Variants in KIAA1614 observed in about 807,000 individuals in gnomAD.
The protein encoded by KIAA1614 is KIAA1614, also known as uncharacterized protein KIAA1614.
Under a neutral mutation model 88.7 loss-of-function variants are expected in KIAA1614, and 76 were observed. The observed-to-expected ratio is 0.86, with a 90% CI of 0.71 to 1.04. The LOEUF (loss-of-function observed/expected upper bound fraction) is 1.04, where lower values mean the gene tolerates loss of function less well. Ranked by LOEUF, KIAA1614 falls within the 50% of genes least tolerant of loss-of-function variation. KIAA1614 has a pLI of 0.00. For synonymous variants in KIAA1614, 714 were observed against 675.5 expected (o/e 1.06, Z -0.88); for missense variants, 1,553 against 1,582.5 (o/e 0.98, Z 0.32).
rs552976444 is a variant in KIAA1614 at position 180,928,414 on chromosome 1, G to A, written c.1062-16G>A. 9 of 1,584,386 alleles carry A rather than the reference G, an allele frequency of 5.7e-6. No individual in the cohort carries two copies. The highest frequency in any genetic ancestry group is 6.9e-6 in the Non-Finnish European group (8 of 1,162,162). ...AATCCCTCCCCCACCACCCTGGCCT[G>A]TGTGCCACGCTGCAGGACCGTTGGT... On this transcript the variant is annotated splice_polypyrimidine_tract_variant and intron_variant, in intron 3 of 8. Transcript: ENST00000367588.
At position 180,935,422 on chromosome 1, in the gene KIAA1614, CG is replaced by C; in HGVS notation, c.1516del (p.Asp506ThrfsTer71). On this transcript the variant is annotated frameshift_variant, in exon 5 of 9. Coordinates refer to ENST00000367588, the MANE Select transcript of KIAA1614 (RefSeq NM_020950.2). LOFTEE classifies it high-confidence loss of function. The surrounding 1 kb of genome is among the most constrained non-coding windows in gnomAD (Gnocchi z 6.1). Reference sequence around the variant, plus strand: ...CTACATCAACGGGGCTCCCCGGCTCCGGGACGCGGGGCAGGGGACATTCCAC... The same window carrying C: ...CTACATCAACGGGGCTCCCCGGCTCCGGACGCGGGGCAGGGGACATTCCAC... ...ADYINGAPRL[R>X]DAGQGTFHRL... 1 of 1,472,738 alleles carries C rather than the reference CG, an allele frequency of 6.8e-7. No homozygotes were observed. The highest frequency in any genetic ancestry group is 2.5e-5 in the Admixed American group (1 of 40,772). The allele number at this position is 1,472,738 out of a possible 1,614,324, so 91.2% of individuals were successfully genotyped here.
At chr1:180,923,200 A>C (rs1420948404) in intron 3 of KIAA1614, among the ~76,000 whole-genome samples, 1 of 152,122 alleles carries the variant, frequency 6.6e-6, no homozygotes, top group Non-Finnish European at 1.5e-5. Context: ...GGCATGATTG[A>C]TTACATCATT....
intron 7 of KIAA1614, among the ~76,000 whole-genome samples, chr1:180,941,640 T>G (rs1487954868): frequency 1.3e-5 from 2 of 152,212 alleles, no homozygotes. Context: ...CACAGATCAC[T>G]TCCCACGTGG....
intron 4 of KIAA1614, among the ~76,000 whole-genome samples, chr1:180,932,390 A>G: frequency 6.6e-6 from 1 of 152,220 alleles, no homozygotes; most frequent in Non-Finnish European, 1.5e-5. Flanking sequence ...AAAATTAAAA[A>G]ATATATATTT....
rs1653798924 is a variant in KIAA1614, at chr1:180,916,376, G to A, written c.273G>A (p.Lys91=). ...TGGAATCCAAGGTGAGGGCTTTGAA[G>A]GAGAAGATGACAGTGGCCAAACAGG... The part of the protein sequence containing the change: ...SVLESKVRAL[K]EKMTVAKQGV... Residue 91 remains lysine, a synonymous_variant, in exon 2 of 9, where the codon AAG becomes AAA. Coordinates refer to ENST00000367588, the MANE Select transcript of KIAA1614 (RefSeq NM_020950.2). The A allele has an allele frequency of 1.2e-6, 2 of 1,614,208 alleles. No individual in the cohort carries two copies. The highest frequency in any genetic ancestry group is 1.7e-6 in the Non-Finnish European group (2 of 1,180,034).
chr1:180,941,203 G>A lies in KIAA1614; in HGVS notation c.3077G>A (p.Ser1026Asn). 1 of 1,613,902 alleles carries A rather than the reference G, an allele frequency of 6.2e-7. No individual in the cohort carries two copies. ...CGGCCCAAGCTGGGCAAGTCCCGCA[G>A]CTACAGTGTGGAGCAGTTGCAGCCC... Reference protein sequence around the residue: ...SSRPKLGKSRSYSVEQLQPAP... With the variant: ...SSRPKLGKSRNYSVEQLQPAP... Residue 1026 changes from serine (S) to asparagine (N), a missense_variant, in exon 7 of 9, where the codon AGC (serine) becomes AAC (asparagine). Coordinates refer to ENST00000367588, the MANE Select transcript of KIAA1614 (RefSeq NM_020950.2).
chr1:180,917,831 G>A lies in KIAA1614; in HGVS notation c.998-20G>A. ...TGTTTCTGGCTCTGTCCTGATCTCT[G>A]CTTCTGTTCTGGATCCTAGAGCGAC... On this transcript the variant is annotated intron_variant, in intron 2 of 8. Transcript: ENST00000367588. 2 of 1,611,566 alleles carry A rather than the reference G, an allele frequency of 1.2e-6. No individual in the cohort carries two copies. The highest frequency in any genetic ancestry group is 8.5e-7 in the Non-Finnish European group (1 of 1,177,744).
intron 6 of KIAA1614, among the ~76,000 whole-genome samples, chr1:180,938,931 G>A (rs994080430): frequency 1.3e-5 from 2 of 152,202 alleles, no homozygotes; most frequent in African/African-American, 4.8e-5. Context: ...TCCATTGAAC[G>A]GCCTCTAGCT....
In KIAA1614 at chr1:180,917,821, C is replaced by G. The variant is rs115549411; in HGVS notation, c.998-30C>G. On this transcript the variant is annotated intron_variant, in intron 2 of 8. Coordinates refer to ENST00000367588, the MANE Select transcript of KIAA1614 (RefSeq NM_020950.2). ...CTGAGAGCCCTGTTTCTGGCTCTGT[C>G]CTGATCTCTGCTTCTGTTCTGGATC... The G allele has an allele frequency of 1.2e-3, 1,981 of 1,603,798 alleles. 25 individuals are homozygous for G. In the African/African-American group the frequency reaches 0.022, roughly 18 times the overall value.
intron 4 of KIAA1614, among the ~76,000 whole-genome samples, chr1:180,931,091 G>C (rs942287494): frequency 1.3e-5 from 2 of 152,234 alleles, no homozygotes. Flanking sequence ...AACAGACAGG[G>C]ACTCCAGGAG....
At chr1:180,917,237 T>A (rs1653837658) in intron 2 of KIAA1614, 137 bp downstream of exon 2, 1 of 678,320 alleles carries the variant, frequency 1.5e-6, no homozygotes, top group Admixed American at 2.8e-5. Context: ...GTCATCAAAA[T>A]CATCAGGATG....
chr1:180,929,891 T>G (rs1654155238), intron 4 of KIAA1614, among the ~76,000 whole-genome samples: 1 of 152,030 alleles, frequency 6.6e-6, no homozygotes, highest in Non-Finnish European at 1.5e-5. Flanking sequence ...GGAACAGGGA[T>G]CTTGGTGGAA....
chr1:180,917,388 C>G (rs1424812827), intron 2 of KIAA1614, among the ~76,000 whole-genome samples: 1 of 152,148 alleles, frequency 6.6e-6, no homozygotes, highest in Non-Finnish European at 1.5e-5. Flanking sequence ...TTCTTTGCGG[C>G]TTGGATTCCT....
intron 3 of KIAA1614, among the ~76,000 whole-genome samples, chr1:180,927,474 G>A (rs1203125026): frequency 1.3e-5 from 2 of 152,244 alleles, no homozygotes; most frequent in Non-Finnish European, 2.9e-5. Context: ...CTTGAACAAT[G>A]TGCCAGCGTT....
chr1:180,948,435 A>G lies in KIAA1614; in HGVS notation c.*2847A>G, dbSNP rs1274254979. 6.6e-6 allele frequency: 1 copy of G among 152,268 alleles called. No homozygotes were observed. Among genetic ancestry groups the G allele is most frequent in the East Asian group, 1.9e-4 (1 of 5,198 alleles). The allele number at this position is 152,268 out of a possible 1,614,324, so 9.4% of individuals were successfully genotyped here. A position where few individuals can be genotyped will look rare whatever the true frequency, so the allele number is the denominator to read the frequency against. ...CCTCAACAAAGGCCATTTCCAGCAG[A>G]CAATAAATGCCTATGACAGCAGGCT... is the stretch of plus-strand genomic sequence containing the variant. On this transcript the variant is annotated 3_prime_UTR_variant, in exon 9 of 9. Transcript: ENST00000367588.
intron 4 of KIAA1614, 75 bp downstream of exon 4, chr1:180,928,648 C>A: frequency 1.4e-6 from 2 of 1,466,072 alleles, no homozygotes; most frequent in Admixed American, 2.1e-5. Context: ...GAAGTGGGAT[C>A]TAGCCAAATG....
At chr1:180,913,366 C>A in intron 1 of KIAA1614, 73 bp downstream of exon 1, 2 of 1,020,212 alleles carry the variant, frequency 2.0e-6, no homozygotes, top group Non-Finnish European at 2.5e-6. Flanking sequence ...GAGCGGGGAG[C>A]CCAGGTCGCC....
chr1:180,946,009 A>G lies in KIAA1614; in HGVS notation c.*421A>G, dbSNP rs1654583759. The G allele has an allele frequency of 1.2e-5, 2 of 166,322 alleles. No individual in the cohort carries two copies. The highest frequency in any genetic ancestry group is 1.9e-4 in the South Asian group (1 of 5,162). 10.3% of individuals were successfully genotyped at this position (166,322 alleles called of 1,614,324 possible). On this transcript the variant is annotated 3_prime_UTR_variant, in exon 9 of 9. Coordinates refer to ENST00000367588, the MANE Select transcript of KIAA1614 (RefSeq NM_020950.2). ...TCCCAGCTACTTGGGAGGCTGAGGC[A>G]GGAGAATTGCTTGAACCCGGGAGGT...
At chr1:180,923,525 T>C (rs1390357888) in intron 3 of KIAA1614, among the ~76,000 whole-genome samples, 6 of 152,162 alleles carry the variant, frequency 3.9e-5, no homozygotes, top group Non-Finnish European at 5.9e-5. Flanking sequence ...CAATTTCACA[T>C]GGAACTGGCC....
Sources: gnomAD v4.1 joint callset for allele counts (sites outside exome capture counted in the v4.1 genomes callset) on GRCh38, gnomAD v4.1.1 for gene constraint, Gnocchi (gnomAD v3.1) non-coding constraint, MANE v1.5 for transcripts, NCBI Gene and HGNC (gene_info 2026-07-23, HGNC 2026-07-21) for gene names.